TNFRSF11B: variants seen among roughly 807,000 people sequenced by gnomAD.
TNFRSF11B encodes TNF receptor superfamily member 11b.
In TNFRSF11B, 16 loss-of-function variants were observed where a neutral mutation model predicts 43.4. The ratio of observed to expected loss-of-function variants is 0.37; its 90% CI spans 0.25 to 0.56. TNFRSF11B has a LOEUF of 0.56. Among genes scored for constraint, TNFRSF11B ranks in the 20% least tolerant of loss-of-function variants. The pLI, the probability that TNFRSF11B is intolerant of heterozygous loss-of-function variation, is 0.80. For synonymous variants in TNFRSF11B, 185 were observed against 181.8 expected (o/e 1.02, Z -0.14); for missense variants, 444 against 490.1 (o/e 0.91, Z 0.89).
intron 1 of TNFRSF11B, among the ~76,000 whole-genome samples, chr8:118,942,641 A>G (rs1812503688): frequency 6.6e-6 from 1 of 152,126 alleles, no homozygotes. Context: ...TTCACATGCT[A>G]TTATCATTCC....
intron 2 of TNFRSF11B, chr8:118,929,143 G>A (rs1307470245): frequency 3.5e-6 from 2 of 578,970 alleles, no homozygotes; most frequent in Admixed American, 6.0e-5. Context: ...TAATGCAAAT[G>A]CAAGTCAATT....
intron 1 of TNFRSF11B, among the ~76,000 whole-genome samples, chr8:118,934,556 G>C (rs1261345539): frequency 1.3e-5 from 2 of 152,182 alleles, no homozygotes; most frequent in Admixed American, 1.3e-4. Flanking sequence ...CTTGGAAGGA[G>C]AGTTTCAACT....
chr8:118,943,775 A>G (rs1812521846), intron 1 of TNFRSF11B, among the ~76,000 whole-genome samples: 1 of 152,158 alleles, frequency 6.6e-6, no homozygotes, highest in Non-Finnish European at 1.5e-5. Flanking sequence ...GTAGATGAAG[A>G]TAACTGAACT....
chr8:118,933,193 A>G lies in TNFRSF11B; in HGVS notation c.138T>C (p.Pro46=), dbSNP rs1007358655. 1.2e-6 allele frequency: 2 copies of G among 1,614,234 alleles called. No homozygotes were observed. Among genetic ancestry groups the G allele is most frequent in the Non-Finnish European group, 1.7e-6 (2 of 1,180,036 alleles). The change falls in exon 2 of 5, where the codon CCT becomes CCC. Residue 46 remains proline, a synonymous_variant. Transcript: ENST00000297350. ...SHQLLCDKCP[P]GTYLKQHCTA... is the part of the protein sequence containing the mutation. ...TACAGTGTTGTTTTAGGTAGGTACC[A>G]GGAGGACATTTGTCACACAACAGCT...
intron 1 of TNFRSF11B, among the ~76,000 whole-genome samples, chr8:118,934,482 A>T (rs1032114031): frequency 6.6e-6 from 1 of 152,204 alleles, no homozygotes; most frequent in African/African-American, 2.4e-5. Context: ...AGAAGTTTCC[A>T]TACATAATGG....
At position 118,924,759 on chromosome 8, in the gene TNFRSF11B, A is replaced by T. The variant is rs1011249376; in HGVS notation, c.821T>A (p.Ile274Asn). Residue 274 changes from isoleucine (I) to asparagine (N), a missense_variant, in exon 5 of 5, where the codon ATT (isoleucine) becomes AAT (asparagine). Ile to Asn is a moderately radical substitution (Grantham distance 149). Transcript: ENST00000297350. The stretch of plus-strand genomic sequence containing the variant: ...CTGCACGCTGTTTTCACAGAGGTCA[A>T]TATCTGCATAAAGCAAAAGCCCAGA... ...QDIVKKIIQDIDLCENSVQRH... is the reference protein window; with the variant it reads ...QDIVKKIIQDNDLCENSVQRH... 1.2e-6 allele frequency: 2 copies of T among 1,614,140 alleles called. No individual in the cohort carries two copies. Among genetic ancestry groups the T allele is most frequent in the Non-Finnish European group, 1.7e-6 (2 of 1,180,020 alleles).
intron 1 of TNFRSF11B, among the ~76,000 whole-genome samples, chr8:118,936,962 TA>T (rs1399742727): frequency 6.6e-6 from 1 of 152,236 alleles, no homozygotes; most frequent in African/African-American, 2.4e-5. Flanking sequence ...ACTTATGCTT[TA>T]AGAGAATCTG....
chr8:118,926,521 G>T lies in TNFRSF11B; in HGVS notation c.790C>A (p.Gln264Lys), dbSNP rs757952532. Residue 264 changes from glutamine (Q) to lysine (K), a missense_variant, in exon 4 of 5, where the codon CAA (glutamine) becomes AAA (lysine). By Grantham distance (53) the Gln-to-Lys change is moderately conservative (BLOSUM62 1). Transcript: ENST00000297350. ...TGGATGATCTTCTTGACTATATCTT[G>T]GTCTTTGTTTTGATGTTTCCATAAC... ...LKLWKHQNKD[Q>K]DIVKKIIQDI... 1 of 1,613,612 alleles carries T rather than the reference G, an allele frequency of 6.2e-7. No homozygotes were observed. Among genetic ancestry groups the T allele is most frequent in the Non-Finnish European group, 8.5e-7 (1 of 1,179,826 alleles).
chr8:118,945,643 T>C (rs1812551127), intron 1 of TNFRSF11B, among the ~76,000 whole-genome samples: 1 of 152,070 alleles, frequency 6.6e-6, no homozygotes, highest in African/African-American at 2.4e-5. Context: ...TTGATGCAAA[T>C]TGATGGTCAG....
chr8:118,928,587 G>T, intron 3 of TNFRSF11B, 151 bp downstream of exon 3: 1 of 798,562 alleles, frequency 1.3e-6, no homozygotes, highest in Non-Finnish European at 2.1e-6. Context: ...AGCTTTAGCA[G>T]TAATGCATCG....
chr8:118,950,198 T>G (rs564714773), intron 1 of TNFRSF11B, among the ~76,000 whole-genome samples: 6 of 152,292 alleles, frequency 3.9e-5, no homozygotes, highest in Admixed American at 1.3e-4. Flanking sequence ...TAATTAAATC[T>G]TTGACAAAAT....
intron 1 of TNFRSF11B, among the ~76,000 whole-genome samples, chr8:118,938,228 G>C (rs1225253373): frequency 6.6e-6 from 1 of 152,068 alleles, no homozygotes; most frequent in Non-Finnish European, 1.5e-5. Context: ...TGATCTGCCT[G>C]CTTCAGCCTT....
intron 2 of TNFRSF11B, among the ~76,000 whole-genome samples, chr8:118,931,251 C>G (rs1037386249): frequency 6.6e-6 from 1 of 152,106 alleles, no homozygotes; most frequent in Non-Finnish European, 1.5e-5. Flanking sequence ...CCTCTTATTT[C>G]CCAAGAGGAA....
At chr8:118,935,109 C>G (rs1812383956) in intron 1 of TNFRSF11B, among the ~76,000 whole-genome samples, 1 of 152,176 alleles carries the variant, frequency 6.6e-6, no homozygotes, top group South Asian at 2.1e-4. Context: ...GCAAAATTCA[C>G]TGCAAGCTCA....
At position 118,923,744 on chromosome 8, in the gene TNFRSF11B, A is replaced by AGAT. The variant is rs1426685814; in HGVS notation, c.*627_*629dup. ...TATAAAATGATATTACAGCTTATACAGATAAAATTATAAAAATACTCCACA... is the reference window on the plus strand; with the variant it reads ...TATAAAATGATATTACAGCTTATACAGATGATAAAATTATAAAAATACTCCACA... On this transcript the variant is annotated 3_prime_UTR_variant, in exon 5 of 5. Coordinates refer to ENST00000297350, the MANE Select transcript of TNFRSF11B (RefSeq NM_002546.4). 6.6e-6 allele frequency: 1 copy of AGAT among 152,612 alleles called. No individual in the cohort carries two copies. The highest frequency in any genetic ancestry group is 1.5e-5 in the Non-Finnish European group (1 of 68,056). The allele number at this position is 152,612 out of a possible 1,614,324, so 9.5% of individuals were successfully genotyped here. A position where few individuals can be genotyped will look rare whatever the true frequency, so the allele number is the denominator to read the frequency against.
Position 118,924,105 on chromosome 8 carries a change from A to C in TNFRSF11B, c.*269T>G, listed in dbSNP as rs183331643. 23 of 312,716 alleles carry C rather than the reference A, an allele frequency of 7.4e-5. No homozygotes were observed. The East Asian group carries it at 1.4e-3, about 18-fold the overall frequency. The allele number at this position is 312,716 out of a possible 1,614,324, so 19.4% of individuals were successfully genotyped here. ...AATGGAGTCTAGTTTTTTTTTTTTA[A>C]TTTCCAGTTGAATTACTGCAAGCAG... is the stretch of plus-strand genomic sequence containing the variant. On this transcript the variant is annotated 3_prime_UTR_variant, in exon 5 of 5. Coordinates refer to ENST00000297350, the MANE Select transcript of TNFRSF11B (RefSeq NM_002546.4).
chr8:118,928,196 A>G (rs1812272735), intron 3 of TNFRSF11B, among the ~76,000 whole-genome samples: 1 of 151,994 alleles, frequency 6.6e-6, no homozygotes, highest in Admixed American at 6.6e-5. Flanking sequence ...TAATTTTTGT[A>G]TTTTTAGTAG....
chr8:118,951,520 T>TTC lies in TNFRSF11B; in HGVS notation c.30+270_30+271dup, dbSNP rs10550502. Among the ~76,000 whole-genome samples, 277 of 150,902 alleles carry TTC rather than the reference T, an allele frequency of 1.8e-3. 3 individuals carry two copies. In the East Asian group the frequency reaches 0.037, roughly 20 times the overall value. On this transcript the variant is annotated intron_variant, in intron 1 of 4. Transcript: ENST00000297350. ...TAATGACTAAAACTTTCAAACAAGT[T>TTC]TCTCTCTCTCTCTCTCTCTCCCTCT... is the stretch of plus-strand genomic sequence containing the variant.
intron 1 of TNFRSF11B, among the ~76,000 whole-genome samples, chr8:118,948,207 A>C (rs1783214755): frequency 6.6e-6 from 1 of 152,190 alleles, no homozygotes; most frequent in South Asian, 2.1e-4. Flanking sequence ...GCAGCTAGAC[A>C]TCATCAGTCA....
Sources: allele counts gnomAD v4.1 joint callset (sites outside exome capture counted in the v4.1 genomes callset), GRCh38; gene constraint gnomAD v4.1.1; transcripts MANE v1.5; gene names NCBI Gene and HGNC (gene_info 2026-07-23, HGNC 2026-07-21).